PHACTR1: variants seen among roughly 807,000 people sequenced by gnomAD.
PHACTR1 encodes the protein phosphatase and actin regulator 1.
PHACTR1 carries 16 observed loss-of-function variants against 69.2 expected under a neutral mutation model. That is an observed-to-expected ratio of 0.23 (90% CI 0.16 to 0.35). PHACTR1 has a LOEUF of 0.35. Among genes scored for constraint, PHACTR1 ranks in the 10% least tolerant of loss-of-function variants. The pLI is 1.00. For missense variants in PHACTR1, 510 were observed against 734.7 expected (o/e 0.69, Z 3.54); for synonymous variants, 312 against 284.5 (o/e 1.10, Z -0.97).
intron 4 of PHACTR1, among the ~76,000 whole-genome samples, chr6:12,870,136 C>T (rs531689064): frequency 6.7e-6 from 1 of 149,634 alleles, no homozygotes; most frequent in Admixed American, 6.6e-5. Context: ...AAAAAAAAAA[C>T]TCCAATGCTT....
intron 10 of PHACTR1, among the ~76,000 whole-genome samples, chr6:13,257,306 G>A (rs1185823042): frequency 6.6e-6 from 1 of 152,128 alleles, no homozygotes; most frequent in Non-Finnish European, 1.5e-5. Flanking sequence ...CCACCCCCAT[G>A]ATCCAGTCAC....
At chr6:13,204,097 C>T (rs1765581366) in intron 7 of PHACTR1, among the ~76,000 whole-genome samples, 1 of 152,108 alleles carries the variant, frequency 6.6e-6, no homozygotes, top group Admixed American at 6.6e-5. Flanking sequence ...TTATTTCCAA[C>T]TGGGGGAACC....
chr6:13,140,191 C>CAAAAT (rs55700735), intron 5 of PHACTR1, among the ~76,000 whole-genome samples: 141,754 of 151,976 alleles, frequency 0.93, 66,690 homozygotes, highest in Non-Finnish European at 0.99. Context: ...TGTTGCTAAT[C>CAAAAT]AAAATGGTGC....
At chr6:13,071,749 G>T (rs562726075) in intron 5 of PHACTR1, among the ~76,000 whole-genome samples, 1 of 152,110 alleles carries the variant, frequency 6.6e-6, no homozygotes, top group East Asian at 1.9e-4. Flanking sequence ...GTTTTGTTCC[G>T]TATTGCTGGG....
At chr6:12,879,489 C>T (rs1306650239) in intron 4 of PHACTR1, among the ~76,000 whole-genome samples, 1 of 152,118 alleles carries the variant, frequency 6.6e-6, no homozygotes, top group Non-Finnish European at 1.5e-5. Context: ...TTTCTAGGAG[C>T]CACCAGAAGT....
In PHACTR1 at chr6:12,990,198, C is replaced by T. The variant is rs59401141; in HGVS notation, c.251-63167C>T. On this transcript the variant is annotated intron_variant, in intron 4 of 14. Coordinates refer to ENST00000332995, the MANE Select transcript of PHACTR1 (RefSeq NM_030948.6). ...AATTGTCTTAGCTAGGAGCCCTGGG[C>T]CCAGACCAGACCTGTGCCACCCTTA... 7.5e-3 allele frequency among the ~76,000 whole-genome samples: 1,149 copies of T among 152,280 alleles called. 14 individuals are homozygous for T. Among genetic ancestry groups the T allele is most frequent in the African/African-American group, 0.026 (1,099 of 41,542 alleles).
In PHACTR1 at chr6:13,161,355, C is replaced by G. The variant is rs532838936; in HGVS notation, c.496+1071C>G. On this transcript the variant is annotated intron_variant, in intron 6 of 14. Transcript: ENST00000332995. Reference sequence around the variant, plus strand: ...CTTCCTCTTCTTCCTCCTCCCTCCTCTCCCTCTTATCTCTTTCTCTCACTC... The same window carrying G: ...CTTCCTCTTCTTCCTCCTCCCTCCTGTCCCTCTTATCTCTTTCTCTCACTC... 1.8e-4 allele frequency among the ~76,000 whole-genome samples: 28 copies of G among 152,268 alleles called. No homozygotes were observed. In the South Asian group the frequency reaches 5.6e-3, roughly 30 times the overall value.
chr6:13,029,591 A>G (rs1392493219), intron 4 of PHACTR1, among the ~76,000 whole-genome samples: 6 of 152,196 alleles, frequency 3.9e-5, no homozygotes, highest in African/African-American at 1.4e-4. Context: ...TAGATGGAGG[A>G]GCATACTGAC....
At chr6:13,214,938 A>G (rs375368482) in intron 8 of PHACTR1, among the ~76,000 whole-genome samples, 69 of 152,316 alleles carry the variant, frequency 4.5e-4, no homozygotes, top group African/African-American at 1.6e-3. Flanking sequence ...ATTGCCACCT[A>G]TGGGCCTTAA....
At chr6:12,963,281 C>T (rs1225147166) in intron 4 of PHACTR1, among the ~76,000 whole-genome samples, 3 of 152,144 alleles carry the variant, frequency 2.0e-5, no homozygotes, top group African/African-American at 4.8e-5. Context: ...TGAGGGTGAG[C>T]CTGCTCACTG....
At chr6:12,825,627 A>T (rs1776717539) in intron 4 of PHACTR1, among the ~76,000 whole-genome samples, 1 of 152,170 alleles carries the variant, frequency 6.6e-6, no homozygotes, top group African/African-American at 2.4e-5. Flanking sequence ...CCACAGAAGC[A>T]GTGAATCTCA....
chr6:12,857,533 G>A (rs942665854), intron 4 of PHACTR1, among the ~76,000 whole-genome samples: 1 of 151,704 alleles, frequency 6.6e-6, no homozygotes, highest in African/African-American at 2.4e-5. Flanking sequence ...AACCCTGGAG[G>A]CTGAGGTTGC....
intron 5 of PHACTR1, among the ~76,000 whole-genome samples, chr6:13,116,648 A>C (rs1325272202): frequency 6.6e-6 from 1 of 152,242 alleles, no homozygotes; most frequent in Non-Finnish European, 1.5e-5. Flanking sequence ...TTTTAAATAA[A>C]AATACATCCA....
At chr6:12,809,730 G>T (rs1774807843) in intron 4 of PHACTR1, among the ~76,000 whole-genome samples, 1 of 152,146 alleles carries the variant, frequency 6.6e-6, no homozygotes, top group African/African-American at 2.4e-5. Context: ...CTTTAAGTAA[G>T]CTCTATAGTT....
At chr6:13,286,943 G>A (rs986407093) in intron 14 of PHACTR1, 120 bp from the exon 15 acceptor site, 11 of 1,038,628 alleles carry the variant, frequency 1.1e-5, no homozygotes, top group Middle Eastern at 2.0e-4. Context: ...TGGGGATGAC[G>A]GTGGGAAGCT....
chr6:13,235,866 T>C (rs1404315120), intron 10 of PHACTR1, among the ~76,000 whole-genome samples: 1 of 151,992 alleles, frequency 6.6e-6, no homozygotes, highest in Non-Finnish European at 1.5e-5. Context: ...AGGTCCTCTG[T>C]CCCCACCCAT....
At chr6:12,950,990 C>A (rs922409797) in intron 4 of PHACTR1, among the ~76,000 whole-genome samples, 3 of 152,150 alleles carry the variant, frequency 2.0e-5, no homozygotes, top group African/African-American at 7.2e-5. Context: ...GAGAATTAGA[C>A]GGACCAACAA....
At chr6:13,217,314 A>G (rs774964888) in intron 8 of PHACTR1, among the ~76,000 whole-genome samples, 6 of 152,194 alleles carry the variant, frequency 3.9e-5, no homozygotes, top group Non-Finnish European at 7.3e-5. Flanking sequence ...AAGGTTAGCA[A>G]TGGCCCAGCT....
chr6:12,958,954 A>G (rs910961359), intron 4 of PHACTR1, among the ~76,000 whole-genome samples: 2 of 152,176 alleles, frequency 1.3e-5, no homozygotes, highest in Non-Finnish European at 2.9e-5. Flanking sequence ...AGGCAGGTGG[A>G]TCACTTGAGG....
Sources: gnomAD v4.1 joint callset for allele counts (sites outside exome capture counted in the v4.1 genomes callset) on GRCh38, gnomAD v4.1.1 for gene constraint, MANE v1.5 for transcripts, NCBI Gene and HGNC (gene_info 2026-07-23, HGNC 2026-07-21) for gene names.